The following PLCB1 variants were observed in gnomAD, a reference collection of about 807,000 sequenced individuals.
PLCB1 encodes the protein phospholipase C beta 1.
In PLCB1, 46 loss-of-function variants were observed where a neutral mutation model predicts 161.8. The ratio of observed to expected loss-of-function variants is 0.28; its 90% CI spans 0.22 to 0.36. The LOEUF (loss-of-function observed/expected upper bound fraction) is 0.36, where lower values mean the gene tolerates loss of function less well. PLCB1 is among the 10% of genes least tolerant of loss of function. PLCB1 has a pLI of 1.00. For synonymous variants in PLCB1, 517 were observed against 503.7 expected, an observed-to-expected ratio of 1.03 and a Z score of -0.35; for missense variants, 1,016 against 1,472.5, an observed-to-expected ratio of 0.69 and a Z score of 5.07.
intron 2 of PLCB1, among the ~76,000 whole-genome samples, chr20:8,313,252 C>A (rs757451745): frequency 6.6e-6 from 1 of 152,258 alleles, no homozygotes; most frequent in South Asian, 2.1e-4. Context: ...AGTTTGTCAA[C>A]ATAGACTGGG....
chr20:8,532,377 C>G (rs1442778550), intron 3 of PLCB1, among the ~76,000 whole-genome samples: 1 of 152,200 alleles, frequency 6.6e-6, no homozygotes, highest in Non-Finnish European at 1.5e-5. Context: ...GGGAAGCAAT[C>G]TCTTCCACAC....
chr20:8,512,484 C>G (rs1983928246), intron 3 of PLCB1, among the ~76,000 whole-genome samples: 1 of 152,022 alleles, frequency 6.6e-6, no homozygotes, highest in Non-Finnish European at 1.5e-5. Context: ...CTAAAATAAA[C>G]TGTTTTAGAT....
chr20:8,543,028 G>A (rs1985394195), intron 3 of PLCB1, among the ~76,000 whole-genome samples: 1 of 152,170 alleles, frequency 6.6e-6, no homozygotes, highest in African/African-American at 2.4e-5. Context: ...CTGCCCTTAT[G>A]TTGGTGATAA....
intron 9 of PLCB1, among the ~76,000 whole-genome samples, chr20:8,671,115 G>A (rs73597540): frequency 0.019 from 2,894 of 152,278 alleles, 108 homozygotes; most frequent in African/African-American, 0.065. Flanking sequence ...CACAGTAGAA[G>A]GAGGCTGGTG....
intron 31 of PLCB1, among the ~76,000 whole-genome samples, chr20:8,791,474 C>G (rs75778646): frequency 0.012 from 1,839 of 152,228 alleles, 43 homozygotes; most frequent in African/African-American, 0.041. Flanking sequence ...AATAATCAGT[C>G]TCAGGTGATA....
intron 31 of PLCB1, among the ~76,000 whole-genome samples, 155 bp from the exon 32 acceptor site, chr20:8,881,467 C>T (rs1375050466): frequency 6.6e-6 from 1 of 152,008 alleles, no homozygotes; most frequent in Non-Finnish European, 1.5e-5. Flanking sequence ...TCCAACTAAA[C>T]TTTGTTACAT....
At chr20:8,463,456 T>C (rs1266950379) in intron 3 of PLCB1, among the ~76,000 whole-genome samples, 1 of 152,120 alleles carries the variant, frequency 6.6e-6, no homozygotes, top group Non-Finnish European at 1.5e-5. Flanking sequence ...ATTTTACATG[T>C]TTTGGACTTC....
At chr20:8,845,959 T>C (rs1224686195) in intron 31 of PLCB1, among the ~76,000 whole-genome samples, 1 of 152,248 alleles carries the variant, frequency 6.6e-6, no homozygotes, top group Non-Finnish European at 1.5e-5. Flanking sequence ...GCAGGGGCTA[T>C]ATAATTCCAT....
intron 2 of PLCB1, among the ~76,000 whole-genome samples, chr20:8,307,456 C>T (rs1984184870): frequency 6.6e-6 from 1 of 152,010 alleles, no homozygotes; most frequent in Non-Finnish European, 1.5e-5. Context: ...ACCTGACTGC[C>T]CACCTTTAGC....
At chr20:8,534,188 G>C (rs1984949224) in intron 3 of PLCB1, among the ~76,000 whole-genome samples, 1 of 152,046 alleles carries the variant, frequency 6.6e-6, no homozygotes, top group African/African-American at 2.4e-5. Context: ...GTGCAGCCTT[G>C]AACTCCTGGG....
chr20:8,541,845 T>A (rs1985345729), intron 3 of PLCB1, among the ~76,000 whole-genome samples: 1 of 152,158 alleles, frequency 6.6e-6, no homozygotes, highest in African/African-American at 2.4e-5. Flanking sequence ...GAGATCCAAG[T>A]TTTCTTTCAA....
At chr20:8,308,587 A>G (rs1356325771) in intron 2 of PLCB1, among the ~76,000 whole-genome samples, 2 of 147,674 alleles carry the variant, frequency 1.4e-5, no homozygotes, top group Non-Finnish European at 3.0e-5. Flanking sequence ...ACTGCGCTGC[A>G]GTCTGGGCAA....
intron 4 of PLCB1, among the ~76,000 whole-genome samples, chr20:8,632,658 AAT>A (rs1276028520): frequency 6.6e-6 from 1 of 152,132 alleles, no homozygotes; most frequent in African/African-American, 2.4e-5. Flanking sequence ...GAGGTGAGGG[AAT>A]AAGTCAGGAG....
intron 2 of PLCB1, among the ~76,000 whole-genome samples, chr20:8,220,331 C>T (rs939191429): frequency 6.6e-6 from 1 of 152,122 alleles, no homozygotes; most frequent in African/African-American, 2.4e-5. Flanking sequence ...AGGGCTTATT[C>T]AGAGAGAAAT....
At chr20:8,159,221 C>A (rs1047931996) in intron 2 of PLCB1, among the ~76,000 whole-genome samples, 1 of 152,188 alleles carries the variant, frequency 6.6e-6, no homozygotes, top group Non-Finnish European at 1.5e-5. Flanking sequence ...CAATTCTTGA[C>A]TTCTGTGCAC....
chr20:8,319,602 AG>A (rs1246793129), intron 2 of PLCB1, among the ~76,000 whole-genome samples: 1 of 152,018 alleles, frequency 6.6e-6, no homozygotes, highest in African/African-American at 2.4e-5. Flanking sequence ...TACAAGAAGG[AG>A]GGGGTGACTT....
intron 10 of PLCB1, among the ~76,000 whole-genome samples, chr20:8,697,287 T>G (rs918267319): frequency 6.6e-6 from 1 of 152,212 alleles, no homozygotes; most frequent in Non-Finnish European, 1.5e-5. Flanking sequence ...AAATGGGTAT[T>G]TTTTTATTAA....
chr20:8,724,254 T>C (rs1979811573), intron 15 of PLCB1, among the ~76,000 whole-genome samples: 1 of 151,828 alleles, frequency 6.6e-6, no homozygotes, highest in African/African-American at 2.4e-5. Context: ...AGACAACACC[T>C]ATGGACACCC....
chr20:8,815,041 C>T (rs1279274240), intron 31 of PLCB1, among the ~76,000 whole-genome samples: 1 of 152,206 alleles, frequency 6.6e-6, no homozygotes, highest in Non-Finnish European at 1.5e-5. Context: ...CTAAAAACCC[C>T]AGTCCGCTTT....
Sources: gnomAD v4.1 joint callset for allele counts (sites outside exome capture counted in the v4.1 genomes callset) on GRCh38, gnomAD v4.1.1 for gene constraint, MANE v1.5 for transcripts, NCBI Gene and HGNC (gene_info 2026-07-23, HGNC 2026-07-21) for gene names.